Variants in CCNY observed in about 807,000 individuals in gnomAD.
CCNY encodes the protein cyclin Y, also known as cyclin-Y.
Under a neutral mutation model 42.8 loss-of-function variants are expected in CCNY, and 19 were observed. The ratio of observed to expected loss-of-function variants is 0.44; its 90% CI spans 0.31 to 0.65. CCNY has a LOEUF of 0.65. Among genes scored for constraint, CCNY ranks in the 30% least tolerant of loss-of-function variants. The pLI is 0.07. For synonymous variants in CCNY, 165 were observed against 162.7 expected (o/e 1.01, Z -0.11); for missense variants, 370 against 437.3 (o/e 0.85, Z 1.37).
chr10:35,256,277 G>A (rs937813384), intron 3 of CCNY, among the ~76,000 whole-genome samples: 3 of 149,028 alleles, frequency 2.0e-5, no homozygotes, highest in Non-Finnish European at 4.4e-5. Flanking sequence ...CATGCTTCCT[G>A]CCTTACTATC....
At chr10:35,467,711 G>T (rs1419444670) in intron 1 of CCNY, among the ~76,000 whole-genome samples, 1 of 152,168 alleles carries the variant, frequency 6.6e-6, no homozygotes, top group African/African-American at 2.4e-5. Flanking sequence ...GTGGATCCCA[G>T]TTTCATTCCT....
At chr10:35,423,359 C>T (rs1838199355) in intron 1 of CCNY, among the ~76,000 whole-genome samples, 1 of 151,824 alleles carries the variant, frequency 6.6e-6, no homozygotes, top group South Asian at 2.1e-4. Context: ...CCTGTATTCT[C>T]AACTACTTGG....
chr10:35,430,038 A>C (rs1838350858), intron 1 of CCNY, among the ~76,000 whole-genome samples: 1 of 151,340 alleles, frequency 6.6e-6, no homozygotes, highest in Non-Finnish European at 1.5e-5. Flanking sequence ...TCATCATTAC[A>C]AAAAAAAAGT....
intron 3 of CCNY, among the ~76,000 whole-genome samples, chr10:35,268,663 G>A (rs1331426672): frequency 1.3e-5 from 2 of 152,186 alleles, no homozygotes; most frequent in African/African-American, 2.4e-5. Flanking sequence ...GGCTCTCTGA[G>A]GCATCCTTTG....
intron 4 of CCNY, among the ~76,000 whole-genome samples, chr10:35,517,910 A>G (rs1356136267): frequency 6.6e-6 from 1 of 152,052 alleles, no homozygotes; most frequent in Middle Eastern, 3.2e-3. Flanking sequence ...GGTTATTAGG[A>G]CTCGCGGAGA....
At chr10:35,421,407 C>T (rs541160826) in intron 1 of CCNY, among the ~76,000 whole-genome samples, 11 of 152,160 alleles carry the variant, frequency 7.2e-5, no homozygotes, top group South Asian at 2.1e-4. Context: ...CAGCTTGACG[C>T]GGGTTCACTG....
Position 35,501,514 on chromosome 10 carries a change from C to G in CCNY, c.243C>G (p.Arg81=). 3 of 1,613,892 alleles carry G rather than the reference C, an allele frequency of 1.9e-6. No homozygotes were observed. The highest frequency in any genetic ancestry group is 2.5e-6 in the Non-Finnish European group (3 of 1,179,772). Reference sequence around the variant, plus strand: ...TTGTTTTCACAGTGAGAGAAAAACGCAAGAGTCTCTTCATTAACCATGTAA... The same window carrying G: ...TTGTTTTCACAGTGAGAGAAAAACGGAAGAGTCTCTTCATTAACCATGTAA... ...SKSQTDVREK[R]KSLFINHHPP... The change falls in exon 3 of 10, where the codon CGC becomes CGG. Residue 81 remains arginine (R), a synonymous_variant. Transcript: ENST00000374704.
intron 1 of CCNY, among the ~76,000 whole-genome samples, chr10:35,465,343 G>T (rs1199700146): frequency 1.1e-4 from 17 of 152,074 alleles, no homozygotes; most frequent in Admixed American, 1.1e-3. Flanking sequence ...TTGTTGCTCT[G>T]ATCGTCCTAG....
intron 1 of CCNY, among the ~76,000 whole-genome samples, chr10:35,358,143 CT>C (rs1263442005): frequency 6.6e-6 from 1 of 151,762 alleles, no homozygotes; most frequent in Non-Finnish European, 1.5e-5. Context: ...GGATGTCATA[CT>C]TCCCTTTACA....
intron 1 of CCNY, among the ~76,000 whole-genome samples, chr10:35,446,681 C>T (rs2135305508): frequency 6.6e-6 from 1 of 152,310 alleles, no homozygotes; most frequent in South Asian, 2.1e-4. Flanking sequence ...GTTGCCAACC[C>T]TGCCTTGTCA....
At chr10:35,398,405 C>T (rs1304442927) in intron 1 of CCNY, among the ~76,000 whole-genome samples, 3 of 152,184 alleles carry the variant, frequency 2.0e-5, no homozygotes, top group Non-Finnish European at 4.4e-5. Context: ...GGCGGAGATT[C>T]GGAAATGCAG....
intron 4 of CCNY, among the ~76,000 whole-genome samples, chr10:35,521,765 C>T (rs1226578566): frequency 6.6e-6 from 1 of 152,128 alleles, no homozygotes; most frequent in East Asian, 1.9e-4. Context: ...GATGGCACCC[C>T]GTTCACTGCC....
At chr10:35,398,611 T>C (rs1837576150) in intron 1 of CCNY, among the ~76,000 whole-genome samples, 1 of 152,124 alleles carries the variant, frequency 6.6e-6, no homozygotes, top group South Asian at 2.1e-4. Context: ...GAGATGTCAT[T>C]GTGTAATTCA....
At chr10:35,458,540 C>T (rs986327478) in intron 1 of CCNY, among the ~76,000 whole-genome samples, 4 of 152,344 alleles carry the variant, frequency 2.6e-5, no homozygotes, top group African/African-American at 9.6e-5. Flanking sequence ...TTCTGACCAG[C>T]GTTTTCTCTT....
intron 1 of CCNY, among the ~76,000 whole-genome samples, chr10:35,341,870 G>A (rs1191707645): frequency 2.0e-5 from 3 of 152,182 alleles, no homozygotes; most frequent in Non-Finnish European, 1.5e-5. Context: ...GTTTAATAAT[G>A]TGGTATGTTT....
At chr10:35,334,008 T>G (rs1235326559), upstream of CCNY, among the ~76,000 whole-genome samples, 1 of 129,342 alleles carries the variant, frequency 7.7e-6, no homozygotes, top group Non-Finnish European at 1.6e-5. Flanking sequence ...CTAAGGGGAA[T>G]ATGGTGGAAA....
intron 3 of CCNY, among the ~76,000 whole-genome samples, chr10:35,295,858 AC>A (rs1835464892): frequency 6.6e-6 from 1 of 152,232 alleles, no homozygotes; most frequent in Non-Finnish European, 1.5e-5. Flanking sequence ...CACTGTATAT[AC>A]AAACTACATT....
chr10:35,359,164 A>G (rs1015844191), intron 1 of CCNY, among the ~76,000 whole-genome samples: 3 of 152,210 alleles, frequency 2.0e-5, no homozygotes, highest in African/African-American at 7.2e-5. Context: ...TCCACATAAC[A>G]GATAATCACA....
intron 8 of CCNY, among the ~76,000 whole-genome samples, chr10:35,564,934 C>T (rs2135464186): frequency 6.6e-6 from 1 of 152,290 alleles, no homozygotes; most frequent in East Asian, 1.9e-4. Flanking sequence ...CCACATGCTG[C>T]ATAGTGTGGG....
Sources: gnomAD v4.1 joint callset for allele counts (sites outside exome capture counted in the v4.1 genomes callset) on GRCh38, gnomAD v4.1.1 for gene constraint, MANE v1.5 for transcripts, NCBI Gene and HGNC (gene_info 2026-07-23, HGNC 2026-07-21) for gene names.